Variants in FOXN3 observed in about 807,000 individuals in gnomAD.
The protein encoded by FOXN3 is forkhead box protein N3.
A neutral mutation model predicts 38.4 loss-of-function variants in FOXN3; 7 were observed. The ratio of observed to expected loss-of-function variants is 0.18; its 90% confidence interval spans 0.10 to 0.34. The LOEUF (loss-of-function observed/expected upper bound fraction) is 0.34, where lower values mean the gene tolerates loss of function less well. FOXN3 is among the 10% of genes least tolerant of loss of function. The pLI is 1.00. For synonymous variants in FOXN3, 230 were observed against 242.2 expected (o/e 0.95, Z 0.47); for missense variants, 456 against 613.4 (o/e 0.74, Z 2.71).
Position 89,411,866 on chromosome 14 carries a change from T to TTAAA in FOXN3, c.543+67_543+68insTTTA, listed in dbSNP as rs1454643898. 22 of 1,089,374 alleles carry TTAAA rather than the reference T, an allele frequency of 2.0e-5. No individual in the cohort carries two copies. The East Asian group carries it at 6.4e-4, about 32-fold the overall frequency. 67.5% of individuals were successfully genotyped at this position (1,089,374 alleles called of 1,614,324 possible). A position where few individuals can be genotyped will look rare whatever the true frequency, so the allele number is the denominator to read the frequency against. On this transcript the variant is annotated intron_variant, in intron 2 of 5. Transcript: ENST00000557258. The stretch of plus-strand genomic sequence containing the variant: ...CAATGTGGTGAATAGAAATTCATTT[T>TTAAA]TAATAGAGAAAAATTTTAAATTAAA...
intron 1 of FOXN3, among the ~76,000 whole-genome samples, chr14:89,531,054 TA>T (rs1894554074): frequency 6.8e-6 from 1 of 147,660 alleles, no homozygotes; most frequent in Admixed American, 6.8e-5. Context: ...TTATTATATA[TA>T]CACATATATA....
At position 89,230,969 on chromosome 14, in the gene FOXN3, A is replaced by G. The variant is rs182585544; in HGVS notation, c.745+49981T>C. ...AATCCCCCATGGCGTCTACTGGAGT[A>G]GCACATAGCCACTAGCTCTGCGGGA... On this transcript the variant is annotated intron_variant, in intron 4 of 5. Coordinates refer to ENST00000557258, the MANE Select transcript of FOXN3 (RefSeq NM_005197.4). 3 of 433,832 alleles carry G rather than the reference A, an allele frequency of 6.9e-6. No homozygotes were observed. The Admixed American group carries it at 7.4e-5, about 11-fold the overall frequency. 26.9% of individuals were successfully genotyped at this position (433,832 alleles called of 1,614,324 possible).
At chr14:89,394,304 A>G (rs1202812341) in intron 2 of FOXN3, among the ~76,000 whole-genome samples, 1 of 150,000 alleles carries the variant, frequency 6.7e-6, no homozygotes, top group Non-Finnish European at 1.5e-5. Context: ...CCCGAGTTCA[A>G]GCAATTCTCC....
At chr14:89,228,840 CTG>C (rs892673868) in intron 4 of FOXN3, among the ~76,000 whole-genome samples, 35 of 152,166 alleles carry the variant, frequency 2.3e-4, no homozygotes, top group African/African-American at 8.2e-4. Context: ...AAATAAAAAA[CTG>C]TAGATTTAAG....
chr14:89,310,435 C>CAGT (rs1364823631), intron 3 of FOXN3, among the ~76,000 whole-genome samples: 1 of 152,222 alleles, frequency 6.6e-6, no homozygotes, highest in Non-Finnish European at 1.5e-5. Context: ...AGACCTACTC[C>CAGT]TGGACTTTCC....
chr14:89,297,283 C>T (rs1024266138), intron 3 of FOXN3, among the ~76,000 whole-genome samples: 4 of 152,128 alleles, frequency 2.6e-5, no homozygotes, highest in Non-Finnish European at 5.9e-5. Flanking sequence ...AACATAGGGG[C>T]CGGGCGCGGT....
At chr14:89,185,781 T>C (rs566861373) in intron 4 of FOXN3, 189 of 152,432 alleles carry the variant, frequency 1.2e-3, no homozygotes, top group Admixed American at 5.2e-3. Context: ...CCACGTTCTC[T>C]GCAGTTAGAG....
intron 1 of FOXN3, among the ~76,000 whole-genome samples, chr14:89,494,695 T>C (rs907412338): frequency 2.0e-5 from 3 of 152,194 alleles, no homozygotes; most frequent in Non-Finnish European, 4.4e-5. Flanking sequence ...CTGAAGTGGA[T>C]CCAAGCTAAG....
At chr14:89,386,300 G>A (rs1206089106) in intron 2 of FOXN3, among the ~76,000 whole-genome samples, 1 of 152,198 alleles carries the variant, frequency 6.6e-6, no homozygotes, top group Non-Finnish European at 1.5e-5. Flanking sequence ...CCCTGACATC[G>A]AGGAGTGTGT....
intron 3 of FOXN3, among the ~76,000 whole-genome samples, chr14:89,306,239 T>C (rs1276917743): frequency 6.6e-6 from 1 of 152,172 alleles, no homozygotes; most frequent in East Asian, 1.9e-4. Context: ...ACCGGAGTTC[T>C]AATGTCTAGA....
intron 5 of FOXN3, among the ~76,000 whole-genome samples, chr14:89,179,050 G>A (rs1887597282): frequency 6.6e-6 from 1 of 152,214 alleles, no homozygotes; most frequent in Non-Finnish European, 1.5e-5. Context: ...TAAATGTGAG[G>A]TAAGAGCATT....
At chr14:89,437,160 G>C (rs896131249) in intron 1 of FOXN3, among the ~76,000 whole-genome samples, 2 of 149,326 alleles carry the variant, frequency 1.3e-5, no homozygotes, top group African/African-American at 4.9e-5. Flanking sequence ...GCAACAAAGA[G>C]CAAAACTCTG....
intron 4 of FOXN3, among the ~76,000 whole-genome samples, chr14:89,205,370 A>G (rs73321268): frequency 0.015 from 2,300 of 152,258 alleles, 60 homozygotes; most frequent in African/African-American, 0.052. Flanking sequence ...GTCCCTGGCG[A>G]GGGCTCCACC....
intron 2 of FOXN3, among the ~76,000 whole-genome samples, chr14:89,352,544 G>T: frequency 6.6e-6 from 1 of 152,146 alleles, no homozygotes; most frequent in East Asian, 1.9e-4. Flanking sequence ...AAAGGCTCCC[G>T]GTGGAGCCCT....
intron 1 of FOXN3, among the ~76,000 whole-genome samples, chr14:89,507,788 AAAG>A (rs1341801735): frequency 9.9e-5 from 15 of 151,320 alleles, no homozygotes; most frequent in Non-Finnish European, 1.6e-4. Context: ...CTCATTAAAA[AAAG>A]AAAAAAAAAA....
chr14:89,277,492 A>T (rs866295636), intron 4 of FOXN3, among the ~76,000 whole-genome samples: 1 of 152,178 alleles, frequency 6.6e-6, no homozygotes, highest in South Asian at 2.1e-4. Flanking sequence ...GAAATGACCA[A>T]TTATGTTAAG....
At chr14:89,303,509 C>A (rs72701643) in intron 3 of FOXN3, among the ~76,000 whole-genome samples, 98 of 137,958 alleles carry the variant, frequency 7.1e-4, no homozygotes, top group South Asian at 1.4e-3. Context: ...AAAAAAAAAA[C>A]AAAAAAAAAA....
chr14:89,518,970 A>G (rs1894265273), intron 1 of FOXN3, among the ~76,000 whole-genome samples: 1 of 152,078 alleles, frequency 6.6e-6, no homozygotes, highest in Non-Finnish European at 1.5e-5. Context: ...GGCCGAGATC[A>G]TACCACTGCA....
At chr14:89,440,116 A>C (rs1892350909) in intron 1 of FOXN3, among the ~76,000 whole-genome samples, 1 of 152,106 alleles carries the variant, frequency 6.6e-6, no homozygotes, top group Admixed American at 6.6e-5. Context: ...CCTGGGCCTC[A>C]AGCAGGTTAA....
Sources: allele counts gnomAD v4.1 joint callset (sites outside exome capture counted in the v4.1 genomes callset), GRCh38; gene constraint gnomAD v4.1.1; transcripts MANE v1.5; gene names NCBI Gene and HGNC (gene_info 2026-07-23, HGNC 2026-07-21).